FBXO47: variants seen among roughly 807,000 people sequenced by gnomAD.
FBXO47 encodes the protein F-box only protein 47.
Under a neutral mutation model 53.9 loss-of-function variants are expected in FBXO47, and 34 were observed. The ratio of observed to expected loss-of-function variants is 0.63; its 90% CI spans 0.48 to 0.84. FBXO47 has a LOEUF of 0.84. Ranked by LOEUF, FBXO47 falls within the 40% of genes least tolerant of loss-of-function variation. FBXO47 has a pLI of 0.00. For missense variants in FBXO47, 485 were observed against 541.3 expected, an observed-to-expected ratio of 0.90 and a Z score of 1.03; for synonymous variants, 165 against 181.6, an observed-to-expected ratio of 0.91 and a Z score of 0.73.
intron 3 of FBXO47, among the ~76,000 whole-genome samples, chr17:38,961,494 T>A (rs898067263): frequency 2.6e-5 from 4 of 152,322 alleles, no homozygotes; most frequent in East Asian, 1.9e-4. Context: ...TCCATAATAA[T>A]GTGTTTAAAT....
rs1226034730 is a variant in FBXO47, at chr17:38,938,554, C to A, written c.1243+19G>T. On this transcript the variant is annotated intron_variant, in intron 10 of 10. Coordinates refer to ENST00000378079, the MANE Select transcript of FBXO47 (RefSeq NM_001008777.3). ...CGCATTTTTACGCACACCTGTGCAC[C>A]AAGTACATTCCTACTCACCAGACAT... The A allele has an allele frequency of 2.5e-6, 4 of 1,586,872 alleles. No individual in the cohort carries two copies. The South Asian group carries it at 3.4e-5, about 13-fold the overall frequency.
At chr17:38,941,618 TATTATATATATA>T (rs1904509266) in intron 9 of FBXO47, among the ~76,000 whole-genome samples, 1 of 60,206 alleles carries the variant, frequency 1.7e-5, no homozygotes, top group South Asian at 8.3e-4. Context: ...ATAAATATAA[TATTATATATATA>T]TATATATATA....
intron 5 of FBXO47, 108 bp from the exon 6 acceptor site, chr17:38,951,797 A>G (rs1473872833): frequency 2.3e-5 from 16 of 708,534 alleles, no homozygotes; most frequent in Non-Finnish European, 3.3e-5. Context: ...TTGGGAGGCC[A>G]AGGTGGGTGG....
intron 9 of FBXO47, among the ~76,000 whole-genome samples, chr17:38,941,436 C>T (rs1254520256): frequency 1.3e-5 from 2 of 150,896 alleles, no homozygotes; most frequent in Non-Finnish European, 2.9e-5. Context: ...TCCCAAAGTG[C>T]TGGGATTACA....
At chr17:38,948,620 T>A (rs1053492306) in intron 6 of FBXO47, among the ~76,000 whole-genome samples, 6 of 152,162 alleles carry the variant, frequency 3.9e-5, no homozygotes, top group Non-Finnish European at 7.3e-5. Flanking sequence ...TGTTGTAGCA[T>A]ATATCAGCAC....
At chr17:38,938,045 T>G (rs934261608) in intron 10 of FBXO47, among the ~76,000 whole-genome samples, 1 of 152,214 alleles carries the variant, frequency 6.6e-6, no homozygotes, top group Non-Finnish European at 1.5e-5. Flanking sequence ...ATCATGGAAT[T>G]ATATAAGAAA....
At chr17:38,958,969 G>A (rs1487010779) in intron 3 of FBXO47, among the ~76,000 whole-genome samples, 3 of 152,016 alleles carry the variant, frequency 2.0e-5, no homozygotes, top group Non-Finnish European at 4.4e-5. Context: ...AGGAATTCCA[G>A]GCATTAATTC....
chr17:38,937,333 A>G (rs1915603711), intron 10 of FBXO47, 43 bp from the exon 11 acceptor site: 1 of 734,180 alleles, frequency 1.4e-6, no homozygotes, highest in African/African-American at 1.9e-5. Context: ...GACAGTTAAA[A>G]TGTTAAGTAT....
chr17:38,947,075 T>G (rs1904974384), intron 6 of FBXO47, among the ~76,000 whole-genome samples: 2 of 123,994 alleles, frequency 1.6e-5, no homozygotes, highest in Non-Finnish European at 3.2e-5. Context: ...TATATAAACA[T>G]ATATAAACAT....
intron 9 of FBXO47, among the ~76,000 whole-genome samples, chr17:38,941,471 A>C (rs1904500888): frequency 6.6e-6 from 1 of 151,290 alleles, no homozygotes; most frequent in Admixed American, 6.6e-5. Flanking sequence ...TGTCCGGCCA[A>C]TTTTTAAACA....
At chr17:38,939,652 CTTTTTTTTTT>C (rs970784178) in intron 9 of FBXO47, among the ~76,000 whole-genome samples, 15,216 of 90,858 alleles carry the variant, frequency 0.17, 851 homozygotes, top group Middle Eastern at 0.34. Context: ...TAAAAGGTTT[CTTTTTTTTTT>C]TTTTTTTTTT....
chr17:38,962,129 G>A, intron 2 of FBXO47, 82 bp from the exon 3 acceptor site: 1 of 1,097,606 alleles, frequency 9.1e-7, no homozygotes, highest in Admixed American at 2.5e-5. Context: ...TTAACTTATA[G>A]GTTAACTCAA....
intron 3 of FBXO47, among the ~76,000 whole-genome samples, chr17:38,958,411 T>C (rs1905658734): frequency 6.6e-6 from 1 of 151,596 alleles, no homozygotes; most frequent in Non-Finnish European, 1.5e-5. Context: ...TTCTAAGATA[T>C]CCTTTTATGG....
intron 6 of FBXO47, among the ~76,000 whole-genome samples, chr17:38,947,085 TATATATA>T (rs1341248512): frequency 8.8e-6 from 1 of 113,934 alleles, no homozygotes; most frequent in African/African-American, 3.3e-5. Context: ...TATATAAACA[TATATATA>T]AACATATATA....
At chr17:38,940,488 C>A (rs1265256036) in intron 9 of FBXO47, among the ~76,000 whole-genome samples, 1 of 151,830 alleles carries the variant, frequency 6.6e-6, no homozygotes, top group Non-Finnish European at 1.5e-5. Flanking sequence ...CCACAAAACC[C>A]TTCCTTACCT....
chr17:38,963,530 T>C (rs567927236), intron 1 of FBXO47, among the ~76,000 whole-genome samples: 1 of 151,638 alleles, frequency 6.6e-6, no homozygotes, highest in East Asian at 1.9e-4. Context: ...TCTATTTTCA[T>C]CTCTTTTTTT....
At chr17:38,951,497 A>C in intron 6 of FBXO47, 84 bp downstream of exon 6, 1 of 1,093,942 alleles carries the variant, frequency 9.1e-7, no homozygotes, top group Non-Finnish European at 1.3e-6. Context: ...CCTGGCCCAA[A>C]TTACTTTTAA....
chr17:38,949,178 A>C (rs1405015900), intron 6 of FBXO47, among the ~76,000 whole-genome samples: 1 of 152,030 alleles, frequency 6.6e-6, no homozygotes, highest in East Asian at 1.9e-4. Flanking sequence ...GCACTTTGGG[A>C]GGCTGAGACA....
intron 5 of FBXO47, 41 bp from the exon 6 acceptor site, chr17:38,951,730 C>A: frequency 6.9e-7 from 1 of 1,446,966 alleles, no homozygotes. Flanking sequence ...TTCAGACTAT[C>A]AAGTCAAAAC....
Sources: allele counts gnomAD v4.1 joint callset (sites outside exome capture counted in the v4.1 genomes callset), GRCh38; gene constraint gnomAD v4.1.1; transcripts MANE v1.5; gene names NCBI Gene and HGNC (gene_info 2026-07-23, HGNC 2026-07-21).